GRK3: variants seen among roughly 807,000 people sequenced by gnomAD.
GRK3 encodes G protein-coupled receptor kinase 3.
In GRK3, 54 loss-of-function variants were observed where a neutral mutation model predicts 95.7. That is an observed-to-expected ratio of 0.56 (90% CI 0.45 to 0.71). The LOEUF (loss-of-function observed/expected upper bound fraction) is 0.71, where lower values mean the gene tolerates loss of function less well. GRK3 is among the 30% of genes least tolerant of loss of function. The probability of loss-of-function intolerance (pLI) is 0.00; values close to 1 mark genes in which losing one functional copy is unlikely to be tolerated. For missense variants in GRK3, 649 were observed against 851.2 expected (o/e 0.76, Z 2.96); for synonymous variants, 281 against 290.8 (o/e 0.97, Z 0.34).
chr22:25,658,763 T>C (rs2146398452), intron 3 of GRK3, among the ~76,000 whole-genome samples: 1 of 152,222 alleles, frequency 6.6e-6, no homozygotes, highest in East Asian at 1.9e-4. Context: ...GGGGTGGTGG[T>C]GGCAGGGGCG....
At chr22:25,691,910 T>C (rs2085167580) in intron 12 of GRK3, among the ~76,000 whole-genome samples, 1 of 152,212 alleles carries the variant, frequency 6.6e-6, no homozygotes, top group African/African-American at 2.4e-5. Flanking sequence ...TTTCCATGTT[T>C]AAATAATGAT....
chr22:25,647,734 T>G, intron 3 of GRK3: 1 of 1,248,742 alleles, frequency 8.0e-7, no homozygotes, highest in South Asian at 1.2e-5. Context: ...GGCAGAAGAA[T>G]GGTATTTTGG....
At chr22:25,574,514 A>C (rs1931820510) in intron 1 of GRK3, among the ~76,000 whole-genome samples, 1 of 152,206 alleles carries the variant, frequency 6.6e-6, no homozygotes, top group Middle Eastern at 3.2e-3. Flanking sequence ...AATAAAACCA[A>C]AAACTAAAAG....
chr22:25,685,205 C>G lies in GRK3; in HGVS notation c.783C>G (p.Phe261Leu). 1 of 1,613,592 alleles carries G rather than the reference C, an allele frequency of 6.2e-7. No homozygotes were observed. Among genetic ancestry groups the G allele is most frequent in the Non-Finnish European group, 8.5e-7 (1 of 1,179,492 alleles). Residue 261 changes from phenylalanine (F) to leucine (L), a missense_variant, in exon 10 of 21, where the codon TTC becomes TTG. Coordinates refer to ENST00000324198, the MANE Select transcript of GRK3 (RefSeq NM_005160.4). ...CPFIVCMTYA[F>L]HTPDKLCFIL... ...TCATTGTATGTATGACCTATGCCTT[C>G]CATACCCCAGATAAACTCTGCTTCA...
chr22:25,650,852 T>G (rs368205284), intron 3 of GRK3, among the ~76,000 whole-genome samples: 20 of 152,374 alleles, frequency 1.3e-4, no homozygotes, highest in African/African-American at 4.6e-4. Flanking sequence ...AAAACATTTT[T>G]AGAACTCCAG....
At chr22:25,661,222 A>G (rs2084907152) in intron 3 of GRK3, among the ~76,000 whole-genome samples, 1 of 152,228 alleles carries the variant, frequency 6.6e-6, no homozygotes, top group Non-Finnish European at 1.5e-5. Context: ...TTACAGCCAA[A>G]TTGAAATGAT....
intron 15 of GRK3, among the ~76,000 whole-genome samples, chr22:25,709,362 T>C (rs2205972): frequency 0.83 from 126,139 of 151,824 alleles, 52,872 homozygotes; most frequent in African/African-American, 0.96. Context: ...TTAGTAGAGA[T>C]GGGATTTCAC....
Position 25,725,352 on chromosome 22 carries a change from C to T in GRK3, c.*2902C>T. On this transcript the variant is annotated 3_prime_UTR_variant, in exon 21 of 21. Coordinates refer to ENST00000324198, the MANE Select transcript of GRK3 (RefSeq NM_005160.4). ...GGTAATAAGTCTTGATTTCATGATT[C>T]AAAAGAATCAATAAAGCCTAAAAAT... The T allele has an allele frequency of 2.6e-6, 1 of 389,774 alleles. No individual in the cohort carries two copies. Among genetic ancestry groups the T allele is most frequent in the Non-Finnish European group, 4.5e-6 (1 of 221,454 alleles). The allele number at this position is 389,774 out of a possible 1,614,324, so 24.1% of individuals were successfully genotyped here.
chr22:25,673,185 T>C (rs2084998568), intron 7 of GRK3, among the ~76,000 whole-genome samples: 1 of 151,454 alleles, frequency 6.6e-6, no homozygotes, highest in African/African-American at 2.4e-5. Context: ...CCTCAGCCTC[T>C]TAAGTAGTTG....
intron 2 of GRK3, among the ~76,000 whole-genome samples, chr22:25,641,216 T>A (rs1239966338): frequency 1.3e-5 from 2 of 152,242 alleles, no homozygotes; most frequent in Non-Finnish European, 2.9e-5. Context: ...CTTATTCTAC[T>A]GACCGACAAT....
At chr22:25,710,029 CT>C in intron 16 of GRK3, 65 bp downstream of exon 16, 3 of 1,240,800 alleles carry the variant, frequency 2.4e-6, no homozygotes, top group Non-Finnish European at 3.6e-6. Context: ...TCATCTCTGT[CT>C]CAGTTTCTGT....
chr22:25,670,364 G>A (rs937805006), intron 6 of GRK3, among the ~76,000 whole-genome samples: 2 of 152,046 alleles, frequency 1.3e-5, no homozygotes, highest in Non-Finnish European at 2.9e-5. Flanking sequence ...AGCTTAGTGC[G>A]GTGGTGTGTG....
chr22:25,620,111 C>G (rs563788205), intron 2 of GRK3, among the ~76,000 whole-genome samples: 17 of 149,848 alleles, frequency 1.1e-4, no homozygotes, highest in Non-Finnish European at 2.4e-4. Context: ...AAGGAAGAAG[C>G]TCCCCTGTAC....
intron 12 of GRK3, among the ~76,000 whole-genome samples, chr22:25,693,493 G>A (rs1197863161): frequency 2.0e-5 from 3 of 152,102 alleles, no homozygotes; most frequent in African/African-American, 7.2e-5. Context: ...AAACCTTCCC[G>A]GAAAATGGCT....
intron 15 of GRK3, among the ~76,000 whole-genome samples, chr22:25,706,723 A>G (rs1421431188): frequency 6.6e-6 from 1 of 152,058 alleles, no homozygotes; most frequent in Non-Finnish European, 1.5e-5. Context: ...GGGTTTCCCC[A>G]TGTTGGCCAG....
chr22:25,639,777 C>T (rs1569174927), intron 2 of GRK3, among the ~76,000 whole-genome samples: 1 of 152,154 alleles, frequency 6.6e-6, no homozygotes, highest in South Asian at 2.1e-4. Flanking sequence ...CTAAGCAATA[C>T]TAAATCTTCC....
intron 7 of GRK3, among the ~76,000 whole-genome samples, 190 bp downstream of exon 7, chr22:25,672,537 C>T (rs2084991598): frequency 6.6e-6 from 1 of 152,100 alleles, no homozygotes; most frequent in Non-Finnish European, 1.5e-5. Context: ...AGCTTTAATC[C>T]TTTTTCATAT....
chr22:25,710,981 G>T (rs1240743432), intron 16 of GRK3, 87 bp from the exon 17 acceptor site: 4 of 670,502 alleles, frequency 6.0e-6, no homozygotes, highest in Non-Finnish European at 1.0e-5. Flanking sequence ...CGGATATCTC[G>T]CACTGTGCTG....
intron 8 of GRK3, among the ~76,000 whole-genome samples, chr22:25,675,835 G>C (rs931129546): frequency 6.6e-6 from 1 of 152,130 alleles, no homozygotes; most frequent in Non-Finnish European, 1.5e-5. Flanking sequence ...TCTACTCTGG[G>C]GGCCTGGGCA....
Sources: gnomAD v4.1 joint callset for allele counts (sites outside exome capture counted in the v4.1 genomes callset) on GRCh38, gnomAD v4.1.1 for gene constraint, MANE v1.5 for transcripts, NCBI Gene and HGNC (gene_info 2026-07-23, HGNC 2026-07-21) for gene names.